QRSL1: variants seen among roughly 807,000 people sequenced by gnomAD.
The protein encoded by QRSL1 is glutamyl-tRNA(Gln) amidotransferase subunit A, mitochondrial.
A neutral mutation model predicts 61.6 loss-of-function variants in QRSL1; 54 were observed. The observed-to-expected ratio is 0.88, with a 90% CI of 0.70 to 1.10. The LOEUF is 1.10. Among genes scored for constraint, QRSL1 ranks in the 50% least tolerant of loss-of-function variants. The pLI is 0.00. For synonymous variants in QRSL1, 228 were observed against 225.7 expected, an observed-to-expected ratio of 1.01 and a Z score of -0.09; for missense variants, 505 against 622.6, an observed-to-expected ratio of 0.81 and a Z score of 2.01.
intron 1 of QRSL1, chr6:106,640,147 C>T (rs1431060933): frequency 1.3e-5 from 6 of 458,296 alleles, no homozygotes; most frequent in African/African-American, 2.1e-5. Context: ...ATGTCATGTC[C>T]TCCACCTGTC....
At chr6:106,637,274 G>C (rs148172677) in intron 1 of QRSL1, among the ~76,000 whole-genome samples, 191 of 152,322 alleles carry the variant, frequency 1.3e-3, no homozygotes, top group African/African-American at 4.5e-3. Context: ...GATGTATATA[G>C]TCTAGACAGT....
In QRSL1 at chr6:106,649,165, G is replaced by C; in HGVS notation, c.521G>C (p.Gly174Ala). The C allele has an allele frequency of 6.2e-7, 1 of 1,614,138 alleles. No homozygotes were observed. Among genetic ancestry groups the C allele is most frequent in the Non-Finnish European group, 8.5e-7 (1 of 1,180,008 alleles). Residue 174 changes from glycine (G) to alanine (A), a missense_variant, in exon 5 of 11, where the codon GGG (glycine) becomes GCG (alanine). By Grantham distance (60) the Gly-to-Ala change is moderately conservative. Coordinates refer to ENST00000369046, the MANE Select transcript of QRSL1 (RefSeq NM_018292.5). ...DWLITGGSSG[G>A]SAAAVSAFTC... is the part of the protein sequence containing the mutation. ...CTGATAACTGGAGGAAGCTCAGGTG[G>C]GAGTGCAGCTGCTGTATCGGCGTTC...
intron 10 of QRSL1, 48 bp downstream of exon 10, chr6:106,663,233 G>A: frequency 6.4e-7 from 1 of 1,565,794 alleles, no homozygotes; most frequent in Non-Finnish European, 8.8e-7. Context: ...TTCTTAGGCA[G>A]GTACCCTGGT....
At chr6:106,646,053 T>A (rs1440456623) in intron 4 of QRSL1, among the ~76,000 whole-genome samples, 1 of 152,254 alleles carries the variant, frequency 6.6e-6, no homozygotes, top group African/African-American at 2.4e-5. Flanking sequence ...AAAAGTACTT[T>A]ATACTTACCC....
intron 7 of QRSL1, chr6:106,652,792 G>C: frequency 6.8e-7 from 1 of 1,463,934 alleles, no homozygotes; most frequent in Non-Finnish European, 9.1e-7. Context: ...GGTTTGTGAG[G>C]ATCAATTAGA....
chr6:106,642,349 C>T (rs1777033939), intron 3 of QRSL1: 1 of 346,014 alleles, frequency 2.9e-6, no homozygotes, highest in Non-Finnish European at 5.5e-6. Flanking sequence ...AGCCACCCCG[C>T]CCCGCCGACT....
At chr6:106,632,143 C>T (rs1236760775) in intron 1 of QRSL1, among the ~76,000 whole-genome samples, 1 of 152,148 alleles carries the variant, frequency 6.6e-6, no homozygotes, top group Non-Finnish European at 1.5e-5. Flanking sequence ...GACAAGCTCT[C>T]GTTCTTTTTA....
chr6:106,660,888 A>G (rs71574204), intron 9 of QRSL1, among the ~76,000 whole-genome samples: 10 of 150,716 alleles, frequency 6.6e-5, no homozygotes, highest in Non-Finnish European at 1.5e-4. Flanking sequence ...AATCCCACTC[A>G]AGAGTGGAGT....
chr6:106,648,994 A>C, intron 4 of QRSL1, 31 bp from the exon 5 acceptor site: 2 of 1,569,746 alleles, frequency 1.3e-6, no homozygotes, highest in Non-Finnish European at 1.7e-6. Flanking sequence ...TGAAAGTTTT[A>C]CTAAGGTATC....
At chr6:106,640,291 A>G (rs1776997460) in intron 1 of QRSL1, 58 bp from the exon 2 acceptor site, 14 of 1,468,312 alleles carry the variant, frequency 9.5e-6, no homozygotes, top group East Asian at 2.3e-5. Flanking sequence ...CCCCACCAAT[A>G]TAACAATTGA....
chr6:106,649,994 T>C (rs1449743889), intron 5 of QRSL1, among the ~76,000 whole-genome samples: 1 of 152,216 alleles, frequency 6.6e-6, no homozygotes, highest in African/African-American at 2.4e-5. Context: ...AAATCATTTA[T>C]ATTTTTTTAG....
At chr6:106,651,212 A>G (rs1582415547) in intron 5 of QRSL1, among the ~76,000 whole-genome samples, 1 of 152,058 alleles carries the variant, frequency 6.6e-6, no homozygotes, top group Non-Finnish European at 1.5e-5. Flanking sequence ...AATGTCCTCC[A>G]GGTCCGTTTT....
At chr6:106,650,460 C>G (rs1777174514) in intron 5 of QRSL1, among the ~76,000 whole-genome samples, 2 of 152,158 alleles carry the variant, frequency 1.3e-5, no homozygotes, top group South Asian at 4.1e-4. Flanking sequence ...AACAGAAGTA[C>G]AGACCAAAAA....
At chr6:106,643,958 G>A (rs531979753) in intron 4 of QRSL1, among the ~76,000 whole-genome samples, 24 of 148,976 alleles carry the variant, frequency 1.6e-4, no homozygotes, top group African/African-American at 5.7e-4. Context: ...TGCAGCCTCC[G>A]CCTCCCAGCT....
At chr6:106,645,449 A>C (rs1777092805) in intron 4 of QRSL1, among the ~76,000 whole-genome samples, 3 of 151,498 alleles carry the variant, frequency 2.0e-5, no homozygotes, top group African/African-American at 4.8e-5. Flanking sequence ...TTGAGACAGA[A>C]TCTCACTCTG....
intron 4 of QRSL1, among the ~76,000 whole-genome samples, chr6:106,648,094 G>T (rs1777140062): frequency 6.6e-6 from 1 of 151,470 alleles, no homozygotes. Flanking sequence ...TCAAGAGATT[G>T]AGACCATCCT....
At chr6:106,658,456 A>G (rs760612324) in intron 9 of QRSL1, among the ~76,000 whole-genome samples, 1 of 152,106 alleles carries the variant, frequency 6.6e-6, no homozygotes. Context: ...CAGGAGGCTG[A>G]GGTGGGAGGA....
intron 5 of QRSL1, among the ~76,000 whole-genome samples, chr6:106,651,290 T>C (rs1259294964): frequency 3.9e-5 from 6 of 152,144 alleles, no homozygotes; most frequent in Admixed American, 6.6e-5. Flanking sequence ...ACAGTCACTT[T>C]GTAGTTGAGT....
intron 1 of QRSL1, among the ~76,000 whole-genome samples, chr6:106,636,521 G>A (rs1001233617): frequency 4.6e-5 from 7 of 151,972 alleles, no homozygotes; most frequent in African/African-American, 7.3e-5. Flanking sequence ...GGGTTTCACC[G>A]TGTTGGCCAG....
Sources: gnomAD v4.1 joint callset for allele counts (sites outside exome capture counted in the v4.1 genomes callset) on GRCh38, gnomAD v4.1.1 for gene constraint, MANE v1.5 for transcripts, NCBI Gene and HGNC (gene_info 2026-07-23, HGNC 2026-07-21) for gene names.